PNKD: variants seen among roughly 807,000 people sequenced by gnomAD.
PNKD encodes the protein PNKD metallo-beta-lactamase domain containing.
A neutral mutation model predicts 45.3 loss-of-function variants in PNKD; 36 were observed. The ratio of observed to expected loss-of-function variants is 0.80; its 90% CI spans 0.61 to 1.05. PNKD has a LOEUF of 1.05. Ranked by LOEUF, PNKD falls within the 50% of genes least tolerant of loss-of-function variation. PNKD has a pLI of 0.00. For missense variants in PNKD, 511 were observed against 506.6 expected, an observed-to-expected ratio of 1.01 and a Z score of -0.08; for synonymous variants, 197 against 210.1, an observed-to-expected ratio of 0.94 and a Z score of 0.54.
intron 2 of PNKD, chr2:218,279,060 C>T: frequency 6.2e-7 from 1 of 1,614,164 alleles, no homozygotes; most frequent in South Asian, 1.1e-5. Context: ...TAGACAGCCA[C>T]ATTTCTCCTC....
At chr2:218,338,878 A>C (rs1574716872) in intron 2 of PNKD, among the ~76,000 whole-genome samples, 1 of 142,066 alleles carries the variant, frequency 7.0e-6, no homozygotes, top group African/African-American at 2.7e-5. Context: ...CTGCAGCTTC[A>C]CCCTCCCGGG....
At position 218,344,588 on chromosome 2, in the gene PNKD, C is replaced by T. The variant is rs962154656; in HGVS notation, c.984+18C>T. ...AGGGCACGGTGAGGGACTCGGGGTC[C>T]AGGAGGAGCTGTGTGGGCAGGCACT... On this transcript the variant is annotated intron_variant, in intron 9 of 9. Transcript: ENST00000273077. 37 of 1,583,126 alleles carry T rather than the reference C, an allele frequency of 2.3e-5. No homozygotes were observed. Among genetic ancestry groups the T allele is most frequent in the Non-Finnish European group, 3.0e-5 (35 of 1,159,546 alleles).
intron 9 of PNKD, 51 bp from the exon 10 acceptor site, chr2:218,344,757 G>C (rs1399363402): frequency 6.3e-7 from 1 of 1,577,958 alleles, no homozygotes; most frequent in East Asian, 2.2e-5. Context: ...TCTCTGTCTT[G>C]GGTCCATTTC....
rs751644446 is a variant in PNKD, at chr2:218,281,947, C to G, written c.236+10398C>G. ...TGCCCTTCCAGGACTCACCGTAGTT[C>G]ATGGGCATCGGGTGGGTGGGGGGCA... On this transcript the variant is annotated intron_variant, in intron 2 of 9. Coordinates refer to ENST00000273077, the MANE Select transcript of PNKD (RefSeq NM_015488.5). 6 of 1,596,714 alleles carry G rather than the reference C, an allele frequency of 3.8e-6. No homozygotes were observed. The South Asian group carries it at 6.9e-5, about 18-fold the overall frequency.
intron 2 of PNKD, among the ~76,000 whole-genome samples, chr2:218,332,008 G>A (rs917189750): frequency 6.6e-6 from 1 of 152,154 alleles, no homozygotes; most frequent in Non-Finnish European, 1.5e-5. Flanking sequence ...ATCACTGGGC[G>A]GTACAGGAGG....
At chr2:218,278,669 G>T in intron 2 of PNKD, 1 of 1,274,260 alleles carries the variant, frequency 7.8e-7, no homozygotes, top group Non-Finnish European at 1.1e-6. Flanking sequence ...TTGGAAGTCT[G>T]AGGGGAAGCA....
chr2:218,281,580 C>T (rs981534102), intron 2 of PNKD, among the ~76,000 whole-genome samples: 7 of 152,200 alleles, frequency 4.6e-5, no homozygotes, highest in African/African-American at 1.7e-4. Flanking sequence ...CTAAGGAAGT[C>T]GACAGGTCTG....
chr2:218,293,298 A>T (rs1693042548), intron 2 of PNKD, among the ~76,000 whole-genome samples: 1 of 152,194 alleles, frequency 6.6e-6, no homozygotes, highest in Non-Finnish European at 1.5e-5. Flanking sequence ...ATATTACTGG[A>T]GCCTGGGCAT....
chr2:218,321,747 G>C (rs1693991084), intron 2 of PNKD, among the ~76,000 whole-genome samples: 1 of 151,112 alleles, frequency 6.6e-6, no homozygotes, highest in Non-Finnish European at 1.5e-5. Flanking sequence ...TCTTGCCTCA[G>C]GCTCCCGAGT....
At chr2:218,304,390 C>G (rs1227877184) in intron 2 of PNKD, among the ~76,000 whole-genome samples, 3 of 151,640 alleles carry the variant, frequency 2.0e-5, no homozygotes, top group Non-Finnish European at 4.4e-5. Context: ...GTCATCCACC[C>G]GCCTCGGCCT....
chr2:218,276,006 A>C (rs1267283495), intron 2 of PNKD: 1 of 1,607,730 alleles, frequency 6.2e-7, no homozygotes, highest in Non-Finnish European at 8.5e-7. Flanking sequence ...TCCCCTTCCT[A>C]GAGTGGGGCT....
chr2:218,292,698 A>G (rs1417596692), intron 2 of PNKD: 1 of 152,232 alleles, frequency 6.6e-6, no homozygotes, highest in Non-Finnish European at 1.5e-5. Flanking sequence ...TTTAAAGGCA[A>G]TACATGATAC....
intron 1 of PNKD, chr2:218,271,162 G>A: frequency 6.6e-6 from 4 of 604,438 alleles, no homozygotes; most frequent in South Asian, 3.9e-5. Flanking sequence ...GCACCAGGGT[G>A]ATGAGCCCGC....
intron 2 of PNKD, among the ~76,000 whole-genome samples, chr2:218,273,722 C>A (rs1317672155): frequency 6.6e-6 from 1 of 151,190 alleles, no homozygotes; most frequent in Admixed American, 6.6e-5. Flanking sequence ...AAACTCCTGA[C>A]CTCAGGTGAT....
At chr2:218,319,654 G>A (rs1364472964) in intron 2 of PNKD, among the ~76,000 whole-genome samples, 11 of 152,188 alleles carry the variant, frequency 7.2e-5, no homozygotes, top group Non-Finnish European at 1.3e-4. Flanking sequence ...GATTACAGGC[G>A]TGAGCCATCG....
At chr2:218,285,138 G>A (rs988482459) in intron 2 of PNKD, among the ~76,000 whole-genome samples, 2 of 152,092 alleles carry the variant, frequency 1.3e-5, no homozygotes, top group African/African-American at 2.4e-5. Context: ...AATGAAACCC[G>A]ACCCCTGATC....
chr2:218,301,501 G>T (rs1485474157), intron 2 of PNKD, among the ~76,000 whole-genome samples: 1 of 152,140 alleles, frequency 6.6e-6, no homozygotes, highest in Non-Finnish European at 1.5e-5. Flanking sequence ...GAAAAAGGGA[G>T]CCTTGGCCGA....
In PNKD at chr2:218,271,150, T is replaced by A. The variant is rs1408252772; in HGVS notation, c.68-231T>A. The stretch of plus-strand genomic sequence containing the variant: ...GGAAGAACAGCGAAGCTTTTCGTCC[T>A]GGCACCAGGGTGATGAGCCCGCAGT... On this transcript the variant is annotated intron_variant, in intron 1 of 9. Transcript: ENST00000273077. 7 of 588,850 alleles carry A rather than the reference T, an allele frequency of 1.2e-5. No homozygotes were observed. In the Admixed American group the frequency reaches 2.1e-4, roughly 17 times the overall value. 36.5% of individuals were successfully genotyped at this position (588,850 alleles called of 1,614,324 possible). A position where few individuals can be genotyped will look rare whatever the true frequency, so the allele number is the denominator to read the frequency against.
intron 2 of PNKD, among the ~76,000 whole-genome samples, chr2:218,273,269 TTTTTTG>T (rs1223062186): frequency 1.7e-5 from 2 of 116,346 alleles, no homozygotes; most frequent in African/African-American, 1.4e-4. Context: ...ATTTGTTTTG[TTTTTTG>T]TTTTTTGTTT....
Sources: gnomAD v4.1 joint callset for allele counts (sites outside exome capture counted in the v4.1 genomes callset) on GRCh38, gnomAD v4.1.1 for gene constraint, MANE v1.5 for transcripts, NCBI Gene and HGNC (gene_info 2026-07-23, HGNC 2026-07-21) for gene names.